The following ZNF91 variants were observed in gnomAD, a reference collection of about 807,000 sequenced individuals.
ZNF91 encodes zinc finger protein 91 (HPF7, HTF10).
A neutral mutation model predicts 12.6 loss-of-function variants in ZNF91; 7 were observed. The ratio of observed to expected loss-of-function variants is 0.55; its 90% CI spans 0.31 to 1.04. The LOEUF (loss-of-function observed/expected upper bound fraction) is 1.04. ZNF91 is among the 50% of genes least tolerant of loss of function. The probability of loss-of-function intolerance (pLI) is 0.05; values close to 1 mark genes in which losing one functional copy is unlikely to be tolerated. For synonymous variants in ZNF91, 453 were observed against 462.6 expected, an observed-to-expected ratio of 0.98 and a Z score of 0.27; for missense variants, 1,217 against 1,385.4, an observed-to-expected ratio of 0.88 and a Z score of 1.93.
downstream of ZNF91, among the ~76,000 whole-genome samples, chr19:23,357,098 A>G (rs1968509489): frequency 6.6e-6 from 1 of 152,186 alleles, no homozygotes; most frequent in Non-Finnish European, 1.5e-5. Context: ...GTGGTGATGC[A>G]TGCCTGTAAT....
At chr19:23,316,826 C>T (rs1403423328) in intron 1 of ZNF91, among the ~76,000 whole-genome samples, 1 of 152,102 alleles carries the variant, frequency 6.6e-6, no homozygotes, top group Non-Finnish European at 1.5e-5. Context: ...GAACAGAATG[C>T]CATCACAGAG....
chr19:23,323,013 CTCT>C (rs1164364632), intron 1 of ZNF91, among the ~76,000 whole-genome samples: 2 of 20,860 alleles, frequency 9.6e-5, no homozygotes, highest in East Asian at 2.6e-3. Context: ...CCTCCTTTTC[CTCT>C]TTTTCTCCTC....
In ZNF91 at chr19:23,362,156, A is replaced by G; in HGVS notation, c.823T>C (p.Phe275Leu). Residue 275 changes from phenylalanine to leucine, a missense_variant, in exon 4 of 4, where the codon TTT (phenylalanine) becomes CTT (leucine). Coordinates refer to ENST00000300619, the MANE Select transcript of ZNF91 (RefSeq NM_003430.4). The part of the protein sequence containing the change: ...IYKCEECGKA[F>L]LWSSTLTRHK... ...CTAGTTAGGGTTGAGGACCATAGAA[A>G]TGCTTTGCCACATTCTTCACACTTG... 6.2e-7 allele frequency: 1 copy of G among 1,614,100 alleles called. No individual in the cohort carries two copies. Among genetic ancestry groups the G allele is most frequent in the Non-Finnish European group, 8.5e-7 (1 of 1,179,988 alleles).
intron 2 of ZNF91, 149 bp downstream of exon 2, chr19:23,374,489 G>T (rs1169910889): frequency 7.6e-6 from 6 of 784,688 alleles, no homozygotes; most frequent in Non-Finnish European, 1.1e-5. Flanking sequence ...GAACCTGGGA[G>T]GCAGAGCTTG....
At chr19:23,347,397 G>C (rs1219101496) in intron 3 of ZNF91, among the ~76,000 whole-genome samples, 2 of 152,084 alleles carry the variant, frequency 1.3e-5, no homozygotes, top group African/African-American at 2.4e-5. Context: ...TCATTGCAGG[G>C]ACCATCAAAC....
chr19:23,357,202 G>A (rs2009536), downstream of ZNF91, among the ~76,000 whole-genome samples: 28,712 of 152,018 alleles, frequency 0.19, 2,935 homozygotes, highest in Non-Finnish European at 0.21. Context: ...ACTCCAGCCC[G>A]GGAGAAAGAT....
chr19:23,338,082 GA>G (rs965334835), downstream of ZNF91: 3 of 152,120 alleles, frequency 2.0e-5, no homozygotes, highest in African/African-American at 7.2e-5. Context: ...ACCTATTTAA[GA>G]AAACAATTGA....
At chr19:23,309,211 A>G (rs895067874) in intron 1 of ZNF91, 4 of 152,118 alleles carry the variant, frequency 2.6e-5, no homozygotes, top group African/African-American at 9.7e-5. Flanking sequence ...TCATGACCTA[A>G]TGCTGGTCCC....
chr19:23,348,346 G>GA (rs1354150570), intron 3 of ZNF91, among the ~76,000 whole-genome samples: 1 of 152,180 alleles, frequency 6.6e-6, no homozygotes, highest in East Asian at 1.9e-4. Context: ...CATTAATTGT[G>GA]AAGATTTCAT....
chr19:23,343,100 T>C (rs1296501452), intron 3 of ZNF91, among the ~76,000 whole-genome samples: 1 of 152,260 alleles, frequency 6.6e-6, no homozygotes, highest in Non-Finnish European at 1.5e-5. Flanking sequence ...TGTAGTTTTC[T>C]GAATAATACA....
At chr19:23,357,149 C>T (rs148414692), downstream of ZNF91, among the ~76,000 whole-genome samples, 1,789 of 152,238 alleles carry the variant, frequency 0.012, 31 homozygotes, top group African/African-American at 0.041. Context: ...ACTGCTTGAA[C>T]CTGAAAGGCG....
chr19:23,322,685 T>TC (rs1967723841), intron 1 of ZNF91, among the ~76,000 whole-genome samples: 2 of 150,604 alleles, frequency 1.3e-5, no homozygotes, highest in Admixed American at 1.3e-4. Flanking sequence ...TCTCCTCCAT[T>TC]CCTTTTCGTC....
chr19:23,346,443 A>T (rs1238047001), intron 3 of ZNF91, among the ~76,000 whole-genome samples: 3 of 152,070 alleles, frequency 2.0e-5, no homozygotes, highest in African/African-American at 7.2e-5. Flanking sequence ...TCCTTGCAGG[A>T]CTCAAAAAGG....
chr19:23,323,731 C>T (rs1407918746), intron 1 of ZNF91, among the ~76,000 whole-genome samples: 7 of 121,328 alleles, frequency 5.8e-5, no homozygotes, highest in East Asian at 2.8e-4. Flanking sequence ...TACGCCTTCT[C>T]CTCATTCTCC....
Position 23,359,464 on chromosome 19 carries a change from C to A in ZNF91, c.3515G>T (p.Gly1172Val). ...IPLLWEAEAG[G>V]SRGQEMETIL... ...GGTCTCCATCTCCTGACCTCGTGAT[C>A]CGCCCGCCTCGGCCTCCCAAAGTAG... Residue 1172 changes from glycine to valine, a missense_variant, in exon 4 of 4, where the codon GGA becomes GTA. By Grantham distance (109) the Gly-to-Val change is moderately radical. Transcript: ENST00000300619. 1 of 1,570,838 alleles carries A rather than the reference C, an allele frequency of 6.4e-7. No homozygotes were observed. Among genetic ancestry groups the A allele is most frequent in the Non-Finnish European group, 8.8e-7 (1 of 1,142,448 alleles).
At chr19:23,366,967 T>C (rs1969041267) in intron 3 of ZNF91, among the ~76,000 whole-genome samples, 1 of 152,224 alleles carries the variant, frequency 6.6e-6, no homozygotes, top group Non-Finnish European at 1.5e-5. Flanking sequence ...ACCTGGTGTA[T>C]TCTGTTACGA....
At chr19:23,390,002 T>C (rs1329832108) in intron 1 of ZNF91, among the ~76,000 whole-genome samples, 3 of 152,162 alleles carry the variant, frequency 2.0e-5, no homozygotes, top group Non-Finnish European at 2.9e-5. Flanking sequence ...ACTGTAGTCA[T>C]ATTTACCATT....
At chr19:23,312,810 T>C (rs567205107), upstream of ZNF91, among the ~76,000 whole-genome samples, 4 of 152,212 alleles carry the variant, frequency 2.6e-5, no homozygotes, top group South Asian at 4.1e-4. Context: ...AGCCCTAGGG[T>C]GATACATAGG....
At chr19:23,309,921 G>C (rs1357272047) in intron 1 of ZNF91, among the ~76,000 whole-genome samples, 1 of 152,132 alleles carries the variant, frequency 6.6e-6, no homozygotes, top group African/African-American at 2.4e-5. Context: ...CATGGATGAA[G>C]CCCACTGGTG....
Sources: allele counts gnomAD v4.1 joint callset (sites outside exome capture counted in the v4.1 genomes callset), GRCh38; gene constraint gnomAD v4.1.1; transcripts MANE v1.5; gene names NCBI Gene and HGNC (gene_info 2026-07-23, HGNC 2026-07-21).